DLGAP2: variants seen among roughly 807,000 people sequenced by gnomAD.
The protein encoded by DLGAP2 is DLG associated protein 2, also known as disks large-associated protein 2.
In DLGAP2, 26 loss-of-function variants were observed where a neutral mutation model predicts 100.3. The ratio of observed to expected loss-of-function variants is 0.26; its 90% CI spans 0.19 to 0.36. The LOEUF is 0.36. Ranked by LOEUF, DLGAP2 falls within the 10% of genes least tolerant of loss-of-function variation. The pLI, the probability that DLGAP2 is intolerant of heterozygous loss-of-function variation, is 1.00. For missense variants in DLGAP2, 1,858 were observed against 1,453.2 expected (o/e 1.28, Z -4.53); for synonymous variants, 886 against 630.1 (o/e 1.41, Z -6.08).
At chr8:1,134,125 G>A (rs1796354032) in intron 2 of DLGAP2, among the ~76,000 whole-genome samples, 1 of 152,114 alleles carries the variant, frequency 6.6e-6, no homozygotes, top group Middle Eastern at 3.2e-3. Context: ...GTTCACTGAG[G>A]ATAATGGCCT....
chr8:1,451,134 G>C (rs942879064), intron 3 of DLGAP2, among the ~76,000 whole-genome samples: 1 of 152,092 alleles, frequency 6.6e-6, no homozygotes, highest in Non-Finnish European at 1.5e-5. Flanking sequence ...GGTGGGACTG[G>C]AGTCACACCT....
intron 1 of DLGAP2, among the ~76,000 whole-genome samples, chr8:787,851 G>C (rs1404310354): frequency 6.6e-6 from 1 of 152,248 alleles, no homozygotes; most frequent in Admixed American, 6.5e-5. Context: ...ACTTGGGGCT[G>C]CTGTGAGGTG....
chr8:824,284 C>G (rs1031230436), intron 1 of DLGAP2, among the ~76,000 whole-genome samples: 1 of 151,862 alleles, frequency 6.6e-6, no homozygotes, highest in Non-Finnish European at 1.5e-5. Context: ...CCATGTTGCC[C>G]AGGCTGGTCT....
At chr8:1,595,853 T>G (rs1358024861) in intron 6 of DLGAP2, among the ~76,000 whole-genome samples, 1 of 151,140 alleles carries the variant, frequency 6.6e-6, no homozygotes, top group Non-Finnish European at 1.5e-5. Flanking sequence ...TTATTCTTTT[T>G]TTAATAGTAA....
chr8:1,066,051 G>T (rs934938139), intron 2 of DLGAP2, among the ~76,000 whole-genome samples: 2 of 152,268 alleles, frequency 1.3e-5, no homozygotes, highest in African/African-American at 4.8e-5. Flanking sequence ...TCGCTGGCTT[G>T]TGGGGCAGGT....
chr8:1,511,545 C>T (rs1800162788), intron 4 of DLGAP2, among the ~76,000 whole-genome samples: 1 of 151,626 alleles, frequency 6.6e-6, no homozygotes, highest in South Asian at 2.1e-4. Context: ...AGATGACCAT[C>T]TTCCATGGAC....
At chr8:1,595,037 T>TTTTTTTTC (rs1189187017) in intron 6 of DLGAP2, among the ~76,000 whole-genome samples, 2 of 151,670 alleles carry the variant, frequency 1.3e-5, no homozygotes, top group Admixed American at 6.6e-5. Flanking sequence ...TGGGGTTTCT[T>TTTTTTTTC]TTTTTTTCTT....
intron 2 of DLGAP2, among the ~76,000 whole-genome samples, chr8:1,215,282 T>A (rs1798191037): frequency 6.6e-6 from 1 of 152,250 alleles, no homozygotes; most frequent in Non-Finnish European, 1.5e-5. Flanking sequence ...TGTTACTAAT[T>A]GTCTTCTTGA....
chr8:779,026 A>G lies in DLGAP2; in HGVS notation c.18+41201A>G, dbSNP rs548643563. Reference sequence around the variant, plus strand: ...GGGTAGGACCCTCTGAGCCAGGTGCAGGATATAATCTTGTGGTGTGCCTTT... The same window carrying G: ...GGGTAGGACCCTCTGAGCCAGGTGCGGGATATAATCTTGTGGTGTGCCTTT... On this transcript the variant is annotated intron_variant, in intron 1 of 14. Coordinates refer to ENST00000637795, the MANE Select transcript of DLGAP2 (RefSeq NM_001346810.2). Among the ~76,000 whole-genome samples the G allele has an allele frequency of 7.2e-5, 11 of 151,814 alleles. No individual in the cohort carries two copies. The East Asian group carries it at 2.1e-3, about 30-fold the overall frequency.
chr8:1,316,413 G>A (rs1800750368), intron 3 of DLGAP2, among the ~76,000 whole-genome samples: 1 of 136,826 alleles, frequency 7.3e-6, no homozygotes, highest in African/African-American at 2.8e-5. Flanking sequence ...TAGAGCGTGT[G>A]CGAGTGCAGC....
At chr8:1,566,146 A>G (rs1042687106) in intron 6 of DLGAP2, among the ~76,000 whole-genome samples, 10 of 152,234 alleles carry the variant, frequency 6.6e-5, no homozygotes, top group African/African-American at 1.9e-4. Flanking sequence ...TAAAGCCAAC[A>G]TGAGCCATCG....
chr8:1,147,221 C>T (rs946814516), intron 2 of DLGAP2, among the ~76,000 whole-genome samples: 4 of 151,990 alleles, frequency 2.6e-5, no homozygotes, highest in Non-Finnish European at 5.9e-5. Flanking sequence ...CATAGGTATT[C>T]GATATTTCCT....
At position 769,917 on chromosome 8, in the gene DLGAP2, C is replaced by T. The variant is rs551093472; in HGVS notation, c.18+32092C>T. On this transcript the variant is annotated intron_variant, in intron 1 of 14. Transcript: ENST00000637795. Reference sequence around the variant, plus strand: ...GGACCACGGCTGAGCTGACTGGCTTCAGCAGCTGCGGGGGTCATGCCGACC... The same window carrying T: ...GGACCACGGCTGAGCTGACTGGCTTTAGCAGCTGCGGGGGTCATGCCGACC... Among the ~76,000 whole-genome samples, 9 of 152,254 alleles carry T rather than the reference C, an allele frequency of 5.9e-5. No individual in the cohort carries two copies. In the East Asian group the frequency reaches 1.4e-3, roughly 23 times the overall value.
At chr8:1,306,115 A>G (rs557805201) in intron 3 of DLGAP2, among the ~76,000 whole-genome samples, 1 of 151,690 alleles carries the variant, frequency 6.6e-6, no homozygotes, top group South Asian at 2.1e-4. Flanking sequence ...AAAAATAGAA[A>G]ATCATCCAAA....
intron 2 of DLGAP2, among the ~76,000 whole-genome samples, chr8:1,045,372 G>A (rs1401200265): frequency 6.6e-6 from 1 of 152,174 alleles, no homozygotes; most frequent in African/African-American, 2.4e-5. Flanking sequence ...ATTTTTTAAA[G>A]TTGATAAATA....
chr8:1,513,174 C>T lies in DLGAP2; in HGVS notation c.172+11743C>T, dbSNP rs577047050. Among the ~76,000 whole-genome samples, 7 of 141,204 alleles carry T rather than the reference C, an allele frequency of 5.0e-5. No homozygotes were observed. The South Asian group carries it at 6.8e-4, about 14-fold the overall frequency. The allele number at this position is 141,204 out of a possible 152,430, so 92.6% of individuals were successfully genotyped here. A position where few individuals can be genotyped will look rare whatever the true frequency, so the allele number is the denominator to read the frequency against. On this transcript the variant is annotated intron_variant, in intron 4 of 14. Coordinates refer to ENST00000637795, the MANE Select transcript of DLGAP2 (RefSeq NM_001346810.2). ...CTGCCTTTCCCAGTGCAAGGGAGGA[C>T]GGAAGAGGCCACAGGCCAGCTCCAG...
chr8:1,167,598 CTTAAAA>C (rs948023979), intron 2 of DLGAP2, among the ~76,000 whole-genome samples: 5 of 152,284 alleles, frequency 3.3e-5, no homozygotes, highest in Non-Finnish European at 5.9e-5. Context: ...TGAGGTAATA[CTTAAAA>C]TTATATTGCA....
At chr8:758,622 T>G (rs553039960) in intron 1 of DLGAP2, among the ~76,000 whole-genome samples, 66 of 152,178 alleles carry the variant, frequency 4.3e-4, no homozygotes, top group African/African-American at 1.5e-3. Context: ...AGTGCAGTGG[T>G]GCAGTCATGA....
chr8:746,892 G>A (rs1051758127), intron 1 of DLGAP2, among the ~76,000 whole-genome samples: 1 of 152,206 alleles, frequency 6.6e-6, no homozygotes, highest in African/African-American at 2.4e-5. Context: ...ATGCGAGGAC[G>A]GTGCCCCTGT....
Sources: allele counts gnomAD v4.1 joint callset (sites outside exome capture counted in the v4.1 genomes callset), GRCh38; gene constraint gnomAD v4.1.1; transcripts MANE v1.5; gene names NCBI Gene and HGNC (gene_info 2026-07-23, HGNC 2026-07-21).